VANGL1: variants seen among roughly 807,000 people sequenced by gnomAD.
The protein encoded by VANGL1 is VANGL planar cell polarity protein 1.
VANGL1 carries 18 observed loss-of-function variants against 48.4 expected under a neutral mutation model. The observed-to-expected ratio is 0.37, with a 90% CI of 0.26 to 0.55. VANGL1 has a LOEUF of 0.55. Ranked by LOEUF, VANGL1 falls within the 20% of genes least tolerant of loss-of-function variation. The pLI is 0.81. For missense variants in VANGL1, 667 were observed against 675.8 expected (o/e 0.99, Z 0.14); for synonymous variants, 257 against 261.8 (o/e 0.98, Z 0.18).
intron 4 of VANGL1, among the ~76,000 whole-genome samples, chr1:115,670,131 G>T (rs528066334): frequency 6.6e-6 from 1 of 152,284 alleles, no homozygotes; most frequent in South Asian, 2.1e-4. Context: ...CCTTAGAAAA[G>T]GCTGTGTGAG....
rs1255101679 is a variant in VANGL1 at position 115,690,705 on chromosome 1, T to G, written c.1315-414T>G. Among the ~76,000 whole-genome samples, 4 of 152,248 alleles carry G rather than the reference T, an allele frequency of 2.6e-5. No homozygotes were observed. The East Asian group carries it at 7.7e-4, about 29-fold the overall frequency. On this transcript the variant is annotated intron_variant, in intron 7 of 7. Coordinates refer to ENST00000355485, the MANE Select transcript of VANGL1 (RefSeq NM_138959.3). ...GCAGCTTGTATTTCCTGACTGCTCC[T>G]TTGGGCCCGACACAGCCCTGGCCCT...
At position 115,693,232 on chromosome 1, in the gene VANGL1, A is replaced by G. The variant is rs536160074; in HGVS notation, c.*1853A>G. ...TTAGTTTTTGCCGTTAGATCCCTTC[A>G]AACTGGAAGTTCCTTACAATATCTT... On this transcript the variant is annotated 3_prime_UTR_variant, in exon 8 of 8. Coordinates refer to ENST00000355485, the MANE Select transcript of VANGL1 (RefSeq NM_138959.3). 2.6e-5 allele frequency: 4 copies of G among 152,750 alleles called. No individual in the cohort carries two copies. The highest frequency in any genetic ancestry group is 9.6e-5 in the African/African-American group (4 of 41,582). The allele number at this position is 152,750 out of a possible 1,614,324, so 9.5% of individuals were successfully genotyped here.
At chr1:115,649,906 G>A (rs1652081484) in intron 1 of VANGL1, among the ~76,000 whole-genome samples, 1 of 152,174 alleles carries the variant, frequency 6.6e-6, no homozygotes, top group Admixed American at 6.5e-5. Flanking sequence ...TAGAACTCAG[G>A]TTTCCCCAGG....
Position 115,659,646 on chromosome 1 carries a change from G to T in VANGL1, c.77G>T (p.Arg26Ile). The T allele has an allele frequency of 6.2e-7, 1 of 1,614,034 alleles. No individual in the cohort carries two copies. Residue 26 changes from arginine (R) to isoleucine (I), a missense_variant, in exon 3 of 8, where the codon AGA becomes ATA. By Grantham distance (97) the Arg-to-Ile change is moderately conservative. Transcript: ENST00000355485. ...HSKKSHRQGERTRERHKSPRN... is the reference protein window; with the variant it reads ...HSKKSHRQGEITRERHKSPRN... ...AGCTCATTGTTGTTTTTCAGGGAAA[G>T]AACTAGAGAGAGACACAAGTCACCC... is the stretch of plus-strand genomic sequence containing the variant.
rs577894225 is a variant in VANGL1, at chr1:115,678,009, G to C, written c.813-4355G>C. Reference sequence around the variant, plus strand: ...TTTTATGAAATACATATTCAAGACTGATCTTAGGCCTGTGGGAATTCTAAG... The same window carrying C: ...TTTTATGAAATACATATTCAAGACTCATCTTAGGCCTGTGGGAATTCTAAG... On this transcript the variant is annotated intron_variant, in intron 4 of 7. Coordinates refer to ENST00000355485, the MANE Select transcript of VANGL1 (RefSeq NM_138959.3). 1.7e-4 allele frequency among the ~76,000 whole-genome samples: 26 copies of C among 152,280 alleles called. No individual in the cohort carries two copies. In the East Asian group the frequency reaches 5.0e-3, roughly 29 times the overall value.
chr1:115,664,343 G>A, intron 4 of VANGL1, 75 bp downstream of exon 4: 1 of 1,560,476 alleles, frequency 6.4e-7, no homozygotes. Flanking sequence ...TAGCACGTGA[G>A]GGGTGGTGAC....
intron 7 of VANGL1, among the ~76,000 whole-genome samples, chr1:115,688,225 A>G (rs1321456532): frequency 7.2e-6 from 1 of 138,220 alleles, no homozygotes; most frequent in African/African-American, 2.7e-5. Flanking sequence ...TCATACAGAT[A>G]TAACTACAGA....
chr1:115,687,705 CTGTGTGTGTGTGTGTGTGTGTG>C lies in VANGL1; in HGVS notation c.1314+2202_1314+2223del, dbSNP rs56094677. Among the ~76,000 whole-genome samples the C allele has an allele frequency of 3.5e-5, 4 of 112,866 alleles. No individual in the cohort carries two copies. The East Asian group carries it at 7.1e-4, about 20-fold the overall frequency. The allele number at this position is 112,866 out of a possible 152,430, so 74.0% of individuals were successfully genotyped here. A position where few individuals can be genotyped will look rare whatever the true frequency, so the allele number is the denominator to read the frequency against. On this transcript the variant is annotated intron_variant, in intron 7 of 7. Coordinates refer to ENST00000355485, the MANE Select transcript of VANGL1 (RefSeq NM_138959.3). ...AATTGGGTCATTGCTCTCTCTTTCT[CTGTGTGTGTGTGTGTGTGTGTG>C]TGTGTGTGTGTGTGTGTGTGTGTAA...
At chr1:115,665,799 G>A (rs1652758035) in intron 4 of VANGL1, among the ~76,000 whole-genome samples, 1 of 152,166 alleles carries the variant, frequency 6.6e-6, no homozygotes, top group Admixed American at 6.5e-5. Flanking sequence ...CTTTTCCCAT[G>A]TTTTGCATCA....
At chr1:115,685,615 A>T in intron 7 of VANGL1, 88 bp downstream of exon 7, 1 of 1,364,074 alleles carries the variant, frequency 7.3e-7, no homozygotes, top group Non-Finnish European at 1.0e-6. Flanking sequence ...ACTAGAAGTG[A>T]TAAAATCGAA....
intron 1 of VANGL1, among the ~76,000 whole-genome samples, chr1:115,643,806 T>C (rs1030630409): frequency 2.6e-5 from 4 of 152,192 alleles, no homozygotes; most frequent in Non-Finnish European, 4.4e-5. Flanking sequence ...GATAAATGTG[T>C]TGAATGAAGA....
At position 115,663,908 on chromosome 1, in the gene VANGL1, G is replaced by T. The variant is rs776212465; in HGVS notation, c.452G>T (p.Gly151Val). 14 of 1,614,060 alleles carry T rather than the reference G, an allele frequency of 8.7e-6. No homozygotes were observed. The African/African-American group carries it at 1.5e-4, about 17-fold the overall frequency. ...ELEPCGTICE[G>V]LFISMAFKLL... ...GAGCCTTGTGGCACAATTTGTGAGG[G>T]GCTCTTTATCTCCATGGCATTCAAA... Residue 151 changes from glycine (G) to valine (V), a missense_variant, in exon 4 of 8, where the codon GGG (glycine) becomes GTG (valine). Coordinates refer to ENST00000355485, the MANE Select transcript of VANGL1 (RefSeq NM_138959.3).
At chr1:115,680,608 G>A (rs1416918655) in intron 4 of VANGL1, among the ~76,000 whole-genome samples, 1 of 152,226 alleles carries the variant, frequency 6.6e-6, no homozygotes, top group Non-Finnish European at 1.5e-5. Flanking sequence ...CCAACTGAAT[G>A]CGGGCACTGT....
chr1:115,648,741 G>C (rs1683648572), intron 1 of VANGL1, among the ~76,000 whole-genome samples: 1 of 152,216 alleles, frequency 6.6e-6, no homozygotes, highest in Non-Finnish European at 1.5e-5. Flanking sequence ...TGATGTCACA[G>C]CTAGGAAGCA....
At chr1:115,649,006 G>T (rs1313937935) in intron 1 of VANGL1, among the ~76,000 whole-genome samples, 2 of 152,166 alleles carry the variant, frequency 1.3e-5, no homozygotes, top group African/African-American at 4.8e-5. Flanking sequence ...TTTCAGGGAG[G>T]ATCTCAGTTC....
At chr1:115,643,240 G>A (rs1651801628) in intron 1 of VANGL1, among the ~76,000 whole-genome samples, 3 of 152,132 alleles carry the variant, frequency 2.0e-5, no homozygotes, top group African/African-American at 7.2e-5. Flanking sequence ...AAATTTTACG[G>A]GGCTGCTGAA....
At chr1:115,685,750 C>T (rs549078861) in intron 7 of VANGL1, among the ~76,000 whole-genome samples, 52 of 152,116 alleles carry the variant, frequency 3.4e-4, no homozygotes, top group Non-Finnish European at 5.3e-4. Context: ...GAGAGAATTT[C>T]GCTTGGAGGA....
At chr1:115,676,267 A>G (rs1261853168) in intron 4 of VANGL1, among the ~76,000 whole-genome samples, 1 of 152,126 alleles carries the variant, frequency 6.6e-6, no homozygotes, top group Non-Finnish European at 1.5e-5. Context: ...GCCTCCCTAT[A>G]GGTAGGTTTG....
At chr1:115,682,610 A>G (rs1366221265) in intron 5 of VANGL1, 113 bp downstream of exon 5, 24 of 1,509,434 alleles carry the variant, frequency 1.6e-5, no homozygotes, top group African/African-American at 2.7e-5. Flanking sequence ...TTTATGGTAC[A>G]TTCTTGTTTC....
Sources: gnomAD v4.1 joint callset for allele counts (sites outside exome capture counted in the v4.1 genomes callset) on GRCh38, gnomAD v4.1.1 for gene constraint, MANE v1.5 for transcripts, NCBI Gene and HGNC (gene_info 2026-07-23, HGNC 2026-07-21) for gene names.